Variants in ZNF713 observed in about 807,000 individuals in gnomAD.
ZNF713 encodes the protein zinc finger protein 713.
In ZNF713, 21 loss-of-function variants were observed where a neutral mutation model predicts 28.7. The observed-to-expected ratio is 0.73, with a 90% confidence interval of 0.52 to 1.05. ZNF713 has a LOEUF of 1.05. Among genes scored for constraint, ZNF713 ranks in the 50% least tolerant of loss-of-function variants. ZNF713 has a pLI of 0.00. For synonymous variants in ZNF713, 167 were observed against 178.0 expected (o/e 0.94, Z 0.49); for missense variants, 458 against 532.4 (o/e 0.86, Z 1.37).
chr7:55,937,752 A>C (rs949544112), intron 6 of ZNF713, among the ~76,000 whole-genome samples: 1 of 151,984 alleles, frequency 6.6e-6, no homozygotes, highest in African/African-American at 2.4e-5. Flanking sequence ...AAAAAAAATC[A>C]AAATATTAGT....
At chr7:55,922,127 A>G (rs1227746739) in intron 4 of ZNF713, among the ~76,000 whole-genome samples, 1 of 150,994 alleles carries the variant, frequency 6.6e-6, no homozygotes, top group Non-Finnish European at 1.5e-5. Flanking sequence ...GGGTTTCACC[A>G]TGTTGGCCAG....
At position 55,940,257 on chromosome 7, in the gene ZNF713, G is replaced by A; in HGVS notation, c.*251G>A. ...CCTGCCTCAGCCTCCTGAGTAGCTG[G>A]GACCACAGGTATGCACCACCACGCC... is the stretch of plus-strand genomic sequence containing the variant. On this transcript the variant is annotated 3_prime_UTR_variant, in exon 7 of 7. Coordinates refer to ENST00000429591, the MANE Select transcript of ZNF713 (RefSeq NM_182633.3). 1.7e-6 allele frequency: 1 copy of A among 596,104 alleles called. No homozygotes were observed. Among genetic ancestry groups the A allele is most frequent in the Non-Finnish European group, 2.4e-6 (1 of 414,678 alleles). 36.9% of individuals were successfully genotyped at this position (596,104 alleles called of 1,614,324 possible). A position where few individuals can be genotyped will look rare whatever the true frequency, so the allele number is the denominator to read the frequency against.
chr7:55,893,135 A>G (rs1443080135), intron 1 of ZNF713, among the ~76,000 whole-genome samples: 2 of 152,044 alleles, frequency 1.3e-5, no homozygotes, highest in Admixed American at 1.3e-4. Flanking sequence ...TGCCCGCCTC[A>G]GCCTCCCAAA....
intron 6 of ZNF713, among the ~76,000 whole-genome samples, chr7:55,938,086 C>T (rs538666975): frequency 2.7e-4 from 41 of 151,942 alleles, no homozygotes; most frequent in Non-Finnish European, 4.9e-4. Flanking sequence ...TACCTGTAAT[C>T]CCAGCTCCTC....
Position 55,939,900 on chromosome 7 carries a change from A to G in ZNF713, c.1226A>G (p.Gln409Arg). ...KCNECGKAFS[Q>R]SAHLNQHRKI... ...AATGAATGCGGGAAAGCCTTTAGCC[A>G]GAGTGCACACCTTAATCAACACAGG... The change falls in exon 7 of 7, where the codon CAG becomes CGG. Residue 409 changes from glutamine to arginine, a missense_variant. By Grantham distance (43) the Gln-to-Arg change is conservative. Transcript: ENST00000429591. The G allele has an allele frequency of 1.2e-6, 2 of 1,614,164 alleles. No individual in the cohort carries two copies. Among genetic ancestry groups the G allele is most frequent in the Non-Finnish European group, 1.7e-6 (2 of 1,180,006 alleles).
chr7:55,927,915 A>AAAAAG (rs1786133269), intron 6 of ZNF713, among the ~76,000 whole-genome samples: 2 of 148,020 alleles, frequency 1.4e-5, no homozygotes, highest in Non-Finnish European at 1.5e-5. Context: ...AAAAAAAAAA[A>AAAAAG]AAAAAGCCAC....
rs182750852 is a variant in ZNF713 at position 55,930,827 on chromosome 7, G to A, written c.307+7128G>A. ...ACCCTGCAACAGCAGAGCTGAGTGC[G>A]ACAGAGACCATATGGCCCACAAAAC... is the stretch of plus-strand genomic sequence containing the variant. On this transcript the variant is annotated intron_variant, in intron 6 of 6. Transcript: ENST00000429591. Among the ~76,000 whole-genome samples, 121 of 152,174 alleles carry A rather than the reference G, an allele frequency of 8.0e-4. No individual in the cohort carries two copies. The South Asian group carries it at 0.016, about 20-fold the overall frequency.
chr7:55,899,437 G>C lies in ZNF713; in HGVS notation c.-582-6816G>C, dbSNP rs1358720400. 1.1e-3 allele frequency among the ~76,000 whole-genome samples: 126 copies of C among 118,272 alleles called. 2 individuals are homozygous for C. The Middle Eastern group carries it at 0.014, about 13-fold the overall frequency. The allele number at this position is 118,272 out of a possible 152,430, so 77.6% of individuals were successfully genotyped here. A position where few individuals can be genotyped will look rare whatever the true frequency, so the allele number is the denominator to read the frequency against. On this transcript the variant is annotated intron_variant, in intron 1 of 6. Transcript: ENST00000429591. ...CCCAGCACTTTGGGAGGCCGAGGGG[G>C]GGGGGGGGGTTGATCACAAGGTCAG...
chr7:55,909,585 G>C (rs1357928230), intron 2 of ZNF713, among the ~76,000 whole-genome samples: 1 of 152,150 alleles, frequency 6.6e-6, no homozygotes, highest in East Asian at 1.9e-4. Context: ...AATGACATTG[G>C]TAATTTGATA....
At chr7:55,894,394 C>G (rs1785437768) in intron 1 of ZNF713, among the ~76,000 whole-genome samples, 1 of 151,984 alleles carries the variant, frequency 6.6e-6, no homozygotes, top group Non-Finnish European at 1.5e-5. Flanking sequence ...AAGAAAAACA[C>G]AATAGTGGAA....
At chr7:55,922,546 A>G (rs1786012560) in intron 4 of ZNF713, among the ~76,000 whole-genome samples, 1 of 151,972 alleles carries the variant, frequency 6.6e-6, no homozygotes, top group East Asian at 1.9e-4. Context: ...TCAAAAAAAA[A>G]AAAAAAAAGA....
At chr7:55,908,339 C>CTACTG (rs1361205220) in intron 2 of ZNF713, among the ~76,000 whole-genome samples, 1 of 152,066 alleles carries the variant, frequency 6.6e-6, no homozygotes, top group Non-Finnish European at 1.5e-5. Context: ...GACGGGGTTT[C>CTACTG]ACCATGTTGG....
chr7:55,923,403 A>G, intron 5 of ZNF713, 115 bp downstream of exon 5: 1 of 1,408,938 alleles, frequency 7.1e-7, no homozygotes, highest in African/African-American at 1.4e-5. Context: ...GAAGAATGCT[A>G]ATCAGTTTTG....
chr7:55,904,074 GAA>G (rs1178174696), intron 1 of ZNF713, among the ~76,000 whole-genome samples: 1 of 118,754 alleles, frequency 8.4e-6, no homozygotes, highest in African/African-American at 3.0e-5. Flanking sequence ...GCAGGCAAAG[GAA>G]AAAGAGACTA....
At chr7:55,908,315 G>A (rs1458090757) in intron 2 of ZNF713, among the ~76,000 whole-genome samples, 1 of 151,952 alleles carries the variant, frequency 6.6e-6, no homozygotes, top group Admixed American at 6.6e-5. Context: ...GCTAATTTTT[G>A]TATTTTTAGT....
intron 1 of ZNF713, among the ~76,000 whole-genome samples, chr7:55,896,483 G>A (rs1785473495): frequency 1.3e-5 from 2 of 151,926 alleles, no homozygotes; most frequent in South Asian, 4.2e-4. Flanking sequence ...TTTTACTGTT[G>A]AAGAAGGAAG....
chr7:55,895,822 A>G (rs1443605102), intron 1 of ZNF713, among the ~76,000 whole-genome samples: 1 of 152,172 alleles, frequency 6.6e-6, no homozygotes, highest in African/African-American at 2.4e-5. Flanking sequence ...AATCCTCACA[A>G]CAAACCCACA....
At chr7:55,889,402 G>C (rs1584291616) in intron 1 of ZNF713, among the ~76,000 whole-genome samples, 1 of 152,216 alleles carries the variant, frequency 6.6e-6, no homozygotes, top group Admixed American at 6.5e-5. Flanking sequence ...CGCCCGGCCT[G>C]ATCTATTTCT....
intron 1 of ZNF713, among the ~76,000 whole-genome samples, chr7:55,888,533 C>G (rs1785320548): frequency 6.6e-6 from 1 of 152,174 alleles, no homozygotes; most frequent in Non-Finnish European, 1.5e-5. Context: ...CAGGTGTGCA[C>G]CACCACGTGC....
Sources: gnomAD v4.1 joint callset for allele counts (sites outside exome capture counted in the v4.1 genomes callset) on GRCh38, gnomAD v4.1.1 for gene constraint, MANE v1.5 for transcripts, NCBI Gene and HGNC (gene_info 2026-07-23, HGNC 2026-07-21) for gene names.